The following CTNNA2 variants were observed in gnomAD, a reference collection of about 807,000 sequenced individuals.
CTNNA2 encodes catenin alpha 2.
CTNNA2 carries 42 observed loss-of-function variants against 101.0 expected under a neutral mutation model. That is an observed-to-expected ratio of 0.42 (90% CI 0.32 to 0.54). The LOEUF (loss-of-function observed/expected upper bound fraction) is 0.54, where lower values mean the gene tolerates loss of function less well. CTNNA2 is among the 20% of genes least tolerant of loss of function. The pLI is 0.14. For missense variants in CTNNA2, 871 were observed against 1,223.1 expected (o/e 0.71, Z 4.29); for synonymous variants, 450 against 456.4 (o/e 0.99, Z 0.18).
chr2:79,718,382 A>G (rs1686249311), intron 2 of CTNNA2, among the ~76,000 whole-genome samples: 2 of 152,136 alleles, frequency 1.3e-5, no homozygotes, highest in Non-Finnish European at 2.9e-5. Context: ...TAATAAATTA[A>G]TTATTGATGA....
At chr2:79,895,975 T>G (rs1684687384) in intron 6 of CTNNA2, among the ~76,000 whole-genome samples, 1 of 152,098 alleles carries the variant, frequency 6.6e-6, no homozygotes. Context: ...TCTCAGCTGG[T>G]CTCCTGCCCA....
intron 1 of CTNNA2, among the ~76,000 whole-genome samples, chr2:79,638,764 T>A (rs960261969): frequency 6.6e-6 from 1 of 152,216 alleles, no homozygotes; most frequent in Non-Finnish European, 1.5e-5. Context: ...CTTCGACTTT[T>A]AAAATAAAAT....
At chr2:79,975,229 G>A (rs142381645) in intron 7 of CTNNA2, among the ~76,000 whole-genome samples, 139 of 152,282 alleles carry the variant, frequency 9.1e-4, no homozygotes, top group African/African-American at 3.2e-3. Flanking sequence ...GTGGAACTTG[G>A]TCTTCAGCTG....
chr2:79,576,635 C>T (rs1675818509), intron 1 of CTNNA2, among the ~76,000 whole-genome samples: 1 of 152,018 alleles, frequency 6.6e-6, no homozygotes, highest in South Asian at 2.1e-4. Flanking sequence ...GGTGTGTATG[C>T]TTCTTGTTAG....
intron 7 of CTNNA2, among the ~76,000 whole-genome samples, chr2:80,115,196 T>G (rs2148867583): frequency 6.6e-6 from 1 of 152,334 alleles, no homozygotes; most frequent in African/African-American, 2.4e-5. Context: ...TAGTACTGTT[T>G]CTATTTCCAT....
intron 4 of CTNNA2, among the ~76,000 whole-genome samples, chr2:79,394,604 GGC>G: frequency 6.6e-6 from 1 of 152,184 alleles, no homozygotes; most frequent in African/African-American, 2.4e-5. Context: ...TCTGCCCAAG[GGC>G]ATCAACTGGT....
intron 9 of CTNNA2, among the ~76,000 whole-genome samples, chr2:80,511,705 A>G (rs1480365503): frequency 6.6e-6 from 1 of 152,218 alleles, no homozygotes; most frequent in Non-Finnish European, 1.5e-5. Context: ...GAGTACTGTA[A>G]TACTACTAAA....
At chr2:79,592,017 T>G (rs911777215) in intron 1 of CTNNA2, among the ~76,000 whole-genome samples, 2 of 151,878 alleles carry the variant, frequency 1.3e-5, no homozygotes, top group African/African-American at 2.4e-5. Context: ...CTCCTCTAGA[T>G]TAAAAAATTC....
At chr2:79,316,884 G>C (rs148694817) in intron 3 of CTNNA2, among the ~76,000 whole-genome samples, 8 of 151,710 alleles carry the variant, frequency 5.3e-5, no homozygotes, top group African/African-American at 1.9e-4. Flanking sequence ...AAATTTGAAT[G>C]CTATTTTTTT....
intron 1 of CTNNA2, among the ~76,000 whole-genome samples, chr2:79,190,407 A>T (rs1445404777): frequency 6.6e-6 from 1 of 152,064 alleles, no homozygotes; most frequent in Non-Finnish European, 1.5e-5. Context: ...CGTCTGTTTA[A>T]GTCTAAGCCC....
At chr2:79,965,195 C>T (rs914057401) in intron 7 of CTNNA2, among the ~76,000 whole-genome samples, 9 of 152,220 alleles carry the variant, frequency 5.9e-5, no homozygotes, top group East Asian at 1.9e-4. Flanking sequence ...GGAGGGCACC[C>T]GCTAAAAGAG....
intron 4 of CTNNA2, among the ~76,000 whole-genome samples, chr2:79,437,044 C>A (rs950019940): frequency 6.6e-6 from 1 of 151,818 alleles, no homozygotes; most frequent in African/African-American, 2.4e-5. Flanking sequence ...GAGTAGCCTG[C>A]CCAACATAGT....
intron 1 of CTNNA2, among the ~76,000 whole-genome samples, chr2:79,530,385 A>T (rs2103927746): frequency 6.6e-6 from 1 of 152,318 alleles, no homozygotes; most frequent in Middle Eastern, 3.4e-3. Context: ...GAAATAGTTT[A>T]TCGATAAAAA....
At chr2:79,973,608 A>G (rs1449990839) in intron 7 of CTNNA2, among the ~76,000 whole-genome samples, 2 of 152,178 alleles carry the variant, frequency 1.3e-5, no homozygotes, top group Non-Finnish European at 1.5e-5. Flanking sequence ...GTCAACCTAA[A>G]AAACAAACAG....
At chr2:80,587,971 T>C (rs1696122091) in intron 14 of CTNNA2, among the ~76,000 whole-genome samples, 1 of 152,236 alleles carries the variant, frequency 6.6e-6, no homozygotes, top group African/African-American at 2.4e-5. Flanking sequence ...TTATGTTCTA[T>C]AAAGTCATCA....
intron 2 of CTNNA2, among the ~76,000 whole-genome samples, chr2:79,307,685 G>A (rs566709984): frequency 1.3e-5 from 2 of 152,270 alleles, no homozygotes; most frequent in South Asian, 2.1e-4. Flanking sequence ...AAGCATGGGG[G>A]TACAGAAGTC....
At position 80,198,570 on chromosome 2, in the gene CTNNA2, G is replaced by A. The variant is rs551986859; in HGVS notation, c.1057-194641G>A. Among the ~76,000 whole-genome samples the A allele has an allele frequency of 3.1e-4, 47 of 152,232 alleles. 1 individual carries two copies. The highest frequency in any genetic ancestry group is 9.6e-4 in the African/African-American group (40 of 41,534). On this transcript the variant is annotated intron_variant, in intron 7 of 18. Transcript: ENST00000402739. ...CCAGTTAGTCTGATTTTTTAACAGT[G>A]TGCTTTTCAACATTCAATGTGTGAG...
rs547724489 is a variant in CTNNA2 at position 79,332,054 on chromosome 2, A to C, written c.-318+19258A>C. Among the ~76,000 whole-genome samples the C allele has an allele frequency of 8.5e-5, 13 of 152,222 alleles. No individual in the cohort carries two copies. In the South Asian group the frequency reaches 2.7e-3, roughly 32 times the overall value. On this transcript the variant is annotated intron_variant, in intron 3 of 21. Coordinates refer to the CTNNA2 transcript ENST00000466387. ...TTTTGGGATCTTCATACCACTGGCAAAATTAGTACTTAACATTGCGAGATG... is the reference window on the plus strand; with the variant it reads ...TTTTGGGATCTTCATACCACTGGCACAATTAGTACTTAACATTGCGAGATG...
chr2:79,788,748 A>C (rs1160477160), intron 3 of CTNNA2, among the ~76,000 whole-genome samples: 1 of 152,074 alleles, frequency 6.6e-6, no homozygotes, highest in Non-Finnish European at 1.5e-5. Context: ...AATCATCAAA[A>C]CTTCCAGGTA....
Sources: allele counts gnomAD v4.1 joint callset (sites outside exome capture counted in the v4.1 genomes callset), GRCh38; gene constraint gnomAD v4.1.1; transcripts MANE v1.5; gene names NCBI Gene and HGNC (gene_info 2026-07-23, HGNC 2026-07-21).